The following PLAC8 variants were observed in gnomAD, a reference collection of about 807,000 sequenced individuals.
PLAC8 encodes placenta associated 8.
In PLAC8, 6 loss-of-function variants were observed where a neutral mutation model predicts 12.6. That is an observed-to-expected ratio of 0.48 (90% CI 0.26 to 0.94). PLAC8 has a LOEUF of 0.94. PLAC8 is among the 40% of genes least tolerant of loss of function. The probability of loss-of-function intolerance (pLI) is 0.14; values close to 1 mark genes in which losing one functional copy is unlikely to be tolerated. For missense variants in PLAC8, 122 were observed against 152.7 expected (o/e 0.80, Z 1.06); for synonymous variants, 54 against 52.6 (o/e 1.03, Z -0.11).
chr4:83,099,380 G>A (rs925442210), intron 3 of PLAC8, among the ~76,000 whole-genome samples: 15 of 151,982 alleles, frequency 9.9e-5, no homozygotes, highest in African/African-American at 3.1e-4. Flanking sequence ...CCAATAGCGT[G>A]TGCTCACTTC....
chr4:83,098,739 T>G (rs1000573434), intron 3 of PLAC8, among the ~76,000 whole-genome samples: 3 of 151,180 alleles, frequency 2.0e-5, no homozygotes, highest in African/African-American at 7.3e-5. Context: ...ATAAAGGTTT[T>G]TTTTTTTTTA....
intron 4 of PLAC8, among the ~76,000 whole-genome samples, chr4:83,092,364 G>T (rs3792715): frequency 0.47 from 71,099 of 151,162 alleles, 17,641 homozygotes; most frequent in Admixed American, 0.58. Context: ...ACTATTATTA[G>T]ATTAATATTT....
intron 3 of PLAC8, among the ~76,000 whole-genome samples, chr4:83,096,025 C>T (rs1481392332): frequency 6.6e-6 from 1 of 152,174 alleles, no homozygotes; most frequent in Non-Finnish European, 1.5e-5. Context: ...TTGTAGCCTC[C>T]AGCTCCATGA....
At chr4:83,109,722 TCTTACC>T in intron 1 of PLAC8, 1 of 152,318 alleles carries the variant, frequency 6.6e-6, no homozygotes, top group East Asian at 1.9e-4. Flanking sequence ...TGGGTGGGCT[TCTTACC>T]TTCTCTGCCC....
Position 83,107,874 on chromosome 4 carries a change from A to C in PLAC8, c.48T>G (p.Gly16=), listed in dbSNP as rs1204904554. 1 of 1,594,940 alleles carries C rather than the reference A, an allele frequency of 6.3e-7. No homozygotes were observed. Among genetic ancestry groups the C allele is most frequent in the African/African-American group, 1.4e-5 (1 of 73,606 alleles). ...TGGAGTTCTGGGGGGCCGGACCGGG[A>C]CCGACTCCAGGTTGGGTCACAACGA... The part of the protein sequence containing the change: ...PVVVVTQPGV[G]PGPAPQNSNW... Residue 16 remains glycine (G), a synonymous_variant, in exon 2 of 5, where the codon GGT becomes GGG. Transcript: ENST00000311507.
At chr4:83,107,512 G>A (rs527824317) in intron 2 of PLAC8, among the ~76,000 whole-genome samples, 4 of 147,440 alleles carry the variant, frequency 2.7e-5, no homozygotes, top group African/African-American at 9.9e-5. Context: ...AGACCTGCTC[G>A]TTGTTAGAAT....
chr4:83,099,609 C>T (rs1732036458), intron 3 of PLAC8, among the ~76,000 whole-genome samples: 2 of 152,120 alleles, frequency 1.3e-5, no homozygotes, highest in Admixed American at 6.5e-5. Flanking sequence ...GGAGGTGGGG[C>T]CTGGTGGGAG....
intron 3 of PLAC8, among the ~76,000 whole-genome samples, chr4:83,104,651 C>T (rs994582377): frequency 6.6e-6 from 1 of 152,182 alleles, no homozygotes; most frequent in African/African-American, 2.4e-5. Context: ...CTAAATAAGC[C>T]TCTTCCATGG....
intron 3 of PLAC8, among the ~76,000 whole-genome samples, chr4:83,101,360 G>A (rs971941596): frequency 1.3e-5 from 2 of 152,268 alleles, no homozygotes; most frequent in African/African-American, 2.4e-5. Flanking sequence ...CCAGCCTGAC[G>A]ACAGAGCGAG....
intron 2 of PLAC8, among the ~76,000 whole-genome samples, chr4:83,106,148 C>T (rs1050215338): frequency 1.3e-5 from 2 of 151,984 alleles, no homozygotes; most frequent in Admixed American, 6.5e-5. Context: ...TACAGGCACC[C>T]ACCACCATGC....
chr4:83,093,657 G>C (rs900831585), intron 4 of PLAC8: 28 of 152,180 alleles, frequency 1.8e-4, no homozygotes, highest in African/African-American at 6.5e-4. Context: ...TTCCTCCTCT[G>C]AACATAAAAT....
At chr4:83,096,152 A>G (rs1183537807) in intron 3 of PLAC8, among the ~76,000 whole-genome samples, 1 of 152,250 alleles carries the variant, frequency 6.6e-6, no homozygotes, top group Non-Finnish European at 1.5e-5. Flanking sequence ...TGTTTAAACT[A>G]TAAACTACGT....
chr4:83,112,203 T>C (rs1438657488), intron 1 of PLAC8, among the ~76,000 whole-genome samples: 4 of 21,206 alleles, frequency 1.9e-4, no homozygotes, highest in African/African-American at 4.4e-4. Context: ...TATATATATA[T>C]GTATATATAT....
At position 83,094,659 on chromosome 4, in the gene PLAC8, C is replaced by G; in HGVS notation, c.*9+19G>C. 8.1e-7 allele frequency: 1 copy of G among 1,237,522 alleles called. No homozygotes were observed. Among genetic ancestry groups the G allele is most frequent in the Non-Finnish European group, 1.2e-6 (1 of 849,064 alleles). 76.7% of individuals were successfully genotyped at this position (1,237,522 alleles called of 1,614,324 possible). A position where few individuals can be genotyped will look rare whatever the true frequency, so the allele number is the denominator to read the frequency against. ...CTAAAAACCCACATGTTCTGAGAGG[C>G]ATGTTTGCATTGACTCACCATCAGT... On this transcript the variant is annotated intron_variant, in intron 4 of 4. Coordinates refer to ENST00000311507, the MANE Select transcript of PLAC8 (RefSeq NM_016619.3).
intron 2 of PLAC8, 40 bp from the exon 3 acceptor site, chr4:83,105,060 G>T (rs1456081212): frequency 2.5e-6 from 4 of 1,612,180 alleles, no homozygotes; most frequent in South Asian, 2.2e-5. Context: ...ACTCCACTCT[G>T]CCCCTGCCAC....
chr4:83,106,860 C>T (rs1295806754), intron 2 of PLAC8, among the ~76,000 whole-genome samples: 1 of 152,172 alleles, frequency 6.6e-6, no homozygotes, highest in African/African-American at 2.4e-5. Context: ...CCTCCAAGTT[C>T]ATTTAGAGAC....
chr4:83,099,991 C>A (rs1162377231), intron 3 of PLAC8, among the ~76,000 whole-genome samples: 1 of 146,972 alleles, frequency 6.8e-6, no homozygotes, highest in Non-Finnish European at 1.5e-5. Context: ...GGTGACAGAG[C>A]GAGACTCTGT....
intron 3 of PLAC8, among the ~76,000 whole-genome samples, chr4:83,097,890 C>T (rs1434136281): frequency 2.2e-5 from 3 of 135,830 alleles, no homozygotes; most frequent in Admixed American, 8.5e-5. Context: ...GATGGAGTCT[C>T]GCTCTGCCAC....
intron 1 of PLAC8, among the ~76,000 whole-genome samples, chr4:83,112,410 C>T (rs1322740355): frequency 6.6e-6 from 1 of 151,984 alleles, no homozygotes. Context: ...TGGGAGATTG[C>T]AGGGACCCAG....
Sources: gnomAD v4.1 joint callset for allele counts (sites outside exome capture counted in the v4.1 genomes callset) on GRCh38, gnomAD v4.1.1 for gene constraint, MANE v1.5 for transcripts, NCBI Gene and HGNC (gene_info 2026-07-23, HGNC 2026-07-21) for gene names.